The following GNAS-AS1 variants were observed in gnomAD, a reference collection of about 807,000 sequenced individuals.
GNAS-AS1 encodes the protein GNAS antisense RNA 1, also known as GNAS antisense RNA 1 (non-protein coding).
intron 4 of GNAS-AS1, among the ~76,000 whole-genome samples, chr20:58,822,700 G>C (rs1196787599): frequency 1.3e-5 from 2 of 152,182 alleles, no homozygotes; most frequent in African/African-American, 2.4e-5. Context: ...ACTTTTCTGA[G>C]TGTCAGGTGC....
chr20:58,839,861 C>T, intron 4 of GNAS-AS1: 1 of 596,978 alleles, frequency 1.7e-6, no homozygotes, highest in Non-Finnish European at 3.0e-6. Context: ...AGAACTTTCC[C>T]CTTTTTTCCC....
Position 58,841,100 on chromosome 20 carries a change from C to T in GNAS-AS1, n.819+837G>A, listed in dbSNP as rs1293420324. Among the ~76,000 whole-genome samples, 1 of 152,048 alleles carries T rather than the reference C, an allele frequency of 6.6e-6. No homozygotes were observed. The highest frequency in any genetic ancestry group is 2.4e-5 in the African/African-American group (1 of 41,428). On this transcript the variant is annotated intron_variant and non_coding_transcript_variant, in intron 4 of 4. Coordinates refer to ENST00000424094, the Ensembl canonical transcript of GNAS-AS1. This position sits in a 1 kb window ranked among gnomAD's most constrained non-coding sequence, Gnocchi z 5.0. Reference sequence around the variant, plus strand: ...CCCTGGTGGCCAAAGGCTTGTTGGACGGCGGGGCGCACGCCGTGCGTCCCG... The same window carrying T: ...CCCTGGTGGCCAAAGGCTTGTTGGATGGCGGGGCGCACGCCGTGCGTCCCG...
In GNAS-AS1 at chr20:58,840,396, TC is replaced by T; in HGVS notation, n.819+1540del. 6.2e-7 allele frequency: 1 copy of T among 1,613,254 alleles called. No individual in the cohort carries two copies. ...GAGGAGGCAGACCTTGAGCTGTCCC[TC>T]CCCGAGTGCCTAGAGTACGAGGAAG... On this transcript the variant is annotated intron_variant and non_coding_transcript_variant, in intron 4 of 4. Coordinates refer to ENST00000424094, the Ensembl canonical transcript of GNAS-AS1. The surrounding 1 kb of genome is among the most constrained non-coding windows in gnomAD (Gnocchi z 6.0).
rs1299882082 is a variant in GNAS-AS1, at chr20:58,840,681, A to G, written n.819+1256T>C. On this transcript the variant is annotated intron_variant and non_coding_transcript_variant, in intron 4 of 4. Transcript: ENST00000424094. This position sits in a 1 kb window ranked among gnomAD's most constrained non-coding sequence, Gnocchi z 6.0. ...GAGCCCCAGAGCCCCAGGGAAGGGG[A>G]GGAGCTCAAGCCCGAGGACAAAGAT... is the stretch of plus-strand genomic sequence containing the variant. 2.5e-6 allele frequency: 4 copies of G among 1,604,418 alleles called. No homozygotes were observed. The East Asian group carries it at 6.7e-5, about 27-fold the overall frequency.
At position 58,840,542 on chromosome 20, in the gene GNAS-AS1, G is replaced by C; in HGVS notation, n.819+1395C>G. On this transcript the variant is annotated intron_variant and non_coding_transcript_variant, in intron 4 of 4. Transcript: ENST00000424094. The surrounding 1 kb of genome is among the most constrained non-coding windows in gnomAD (Gnocchi z 6.0). The stretch of plus-strand genomic sequence containing the variant: ...CGAGACCGAGCCTGAAGACGATCGC[G>C]GCCCGGTGGTGCCCAAGCACTCCAC... 1 of 1,613,382 alleles carries C rather than the reference G, an allele frequency of 6.2e-7. No individual in the cohort carries two copies. Among genetic ancestry groups the C allele is most frequent in the Non-Finnish European group, 8.5e-7 (1 of 1,179,986 alleles).
intron 4 of GNAS-AS1, among the ~76,000 whole-genome samples, chr20:58,822,240 G>C (rs2085491663): frequency 6.6e-6 from 1 of 152,200 alleles, no homozygotes; most frequent in Admixed American, 6.5e-5. Flanking sequence ...GCCCAATTCT[G>C]ATGATGACCC....
At chr20:58,843,686 C>T (rs975593280) in intron 2 of GNAS-AS1, among the ~76,000 whole-genome samples, 1 of 152,222 alleles carries the variant, frequency 6.6e-6, no homozygotes, top group African/African-American at 2.4e-5. Context: ...GCTAGCTAAA[C>T]ATGATGATAT....
At position 58,840,365 on chromosome 20, in the gene GNAS-AS1, G is replaced by A. The variant is rs942246524; in HGVS notation, n.819+1572C>T. 1.2e-6 allele frequency: 2 copies of A among 1,613,344 alleles called. No individual in the cohort carries two copies. Among genetic ancestry groups the A allele is most frequent in the African/African-American group, 1.3e-5 (1 of 75,028 alleles). Reference sequence around the variant, plus strand: ...GTCCCCCGAATCGGAATCTGACCACGAGCACGAGGAGGCAGACCTTGAGCT... The same window carrying A: ...GTCCCCCGAATCGGAATCTGACCACAAGCACGAGGAGGCAGACCTTGAGCT... On this transcript the variant is annotated intron_variant and non_coding_transcript_variant, in intron 4 of 4. Transcript: ENST00000424094. The surrounding 1 kb of genome is among the most constrained non-coding windows in gnomAD (Gnocchi z 6.0).
intron 4 of GNAS-AS1, among the ~76,000 whole-genome samples, chr20:58,821,686 T>C (rs2085488265): frequency 6.6e-6 from 1 of 152,136 alleles, no homozygotes; most frequent in African/African-American, 2.4e-5. Context: ...CTTCAGAAGA[T>C]GAGGGGATCT....
intron 4 of GNAS-AS1, chr20:58,826,014 C>A: frequency 2.5e-6 from 1 of 398,616 alleles, no homozygotes; most frequent in African/African-American, 2.1e-5. Context: ...TGAGCTTGCT[C>A]TTTTGCTTAC....
intron 4 of GNAS-AS1, among the ~76,000 whole-genome samples, chr20:58,837,866 A>G (rs1420203015): frequency 6.6e-6 from 1 of 152,186 alleles, no homozygotes; most frequent in Non-Finnish European, 1.5e-5. Context: ...TGGGGTATGA[A>G]CTCTGCACTT....
intron 4 of GNAS-AS1, among the ~76,000 whole-genome samples, chr20:58,830,614 A>ACCGT (rs1555865418): frequency 9.7e-6 from 1 of 103,212 alleles, no homozygotes; most frequent in Non-Finnish European, 2.0e-5. Context: ...CATCACCACC[A>ACCGT]CACCACCATC....
Position 58,840,247 on chromosome 20 carries a change from C to T in GNAS-AS1, n.819+1690G>A, listed in dbSNP as rs774788451. On this transcript the variant is annotated intron_variant and non_coding_transcript_variant, in intron 4 of 4. Transcript: ENST00000424094. This position sits in a 1 kb window ranked among gnomAD's most constrained non-coding sequence, Gnocchi z 6.0. The stretch of plus-strand genomic sequence containing the variant: ...TCGCGCTCCTCCGCGCCCTTGCCAC[C>T]TCCAACGCCCGTGCCCAGCAGCGCG... The T allele has an allele frequency of 2.3e-5, 37 of 1,611,236 alleles. No homozygotes were observed. Among genetic ancestry groups the T allele is most frequent in the Non-Finnish European group, 7.6e-6 (9 of 1,179,820 alleles).
intron 4 of GNAS-AS1, chr20:58,839,855 C>A: frequency 1.7e-6 from 1 of 596,790 alleles, no homozygotes; most frequent in South Asian, 2.0e-5. Context: ...GGAGACAGAA[C>A]TTTCCCCTTT....
At chr20:58,838,655 C>T (rs144157851) in intron 4 of GNAS-AS1, 80 of 207,400 alleles carry the variant, frequency 3.9e-4, no homozygotes, top group Middle Eastern at 1.7e-3. Flanking sequence ...CGGTGGCTCA[C>T]GCCTGTAATC....
chr20:58,848,806 T>C, intron 2 of GNAS-AS1: 1 of 398,300 alleles, frequency 2.5e-6, no homozygotes, highest in East Asian at 3.6e-5. Flanking sequence ...GTGGGTCAAC[T>C]CCTCGAACAT....
intron 4 of GNAS-AS1, chr20:58,834,411 T>C (rs2085588463): frequency 6.6e-6 from 1 of 152,222 alleles, no homozygotes; most frequent in African/African-American, 2.4e-5. Context: ...ATGTCTCAAC[T>C]GGCTGCAGGA....
At chr20:58,829,287 A>G (rs979842839) in intron 4 of GNAS-AS1, among the ~76,000 whole-genome samples, 6 of 152,174 alleles carry the variant, frequency 3.9e-5, no homozygotes, top group Non-Finnish European at 7.4e-5. Context: ...AGCTTTATGT[A>G]TTTCTAAAAC....
At chr20:58,834,220 C>A (rs1030586676) in intron 4 of GNAS-AS1, 1 of 152,240 alleles carries the variant, frequency 6.6e-6, no homozygotes, top group East Asian at 1.9e-4. Context: ...GATAGGATGT[C>A]CAGGACAGCT....
Sources: gnomAD v4.1 joint callset for allele counts (sites outside exome capture counted in the v4.1 genomes callset) on GRCh38, gnomAD v4.1.1 for gene constraint, Gnocchi (gnomAD v3.1) non-coding constraint, MANE v1.5 for transcripts, NCBI Gene and HGNC (gene_info 2026-07-23, HGNC 2026-07-21) for gene names.